DEFB125: variants seen among roughly 807,000 people sequenced by gnomAD.
DEFB125 encodes defensin beta 125.
Under a neutral mutation model 11.8 loss-of-function variants are expected in DEFB125, and 11 were observed. The ratio of observed to expected loss-of-function variants is 0.94; its 90% CI spans 0.59 to 1.55. The LOEUF (loss-of-function observed/expected upper bound fraction) is 1.55, where lower values mean the gene tolerates loss of function less well. DEFB125 is among the 40% of genes most tolerant of loss of function. The pLI is 0.00. For missense variants in DEFB125, 198 were observed against 191.2 expected (o/e 1.04, Z -0.21); for synonymous variants, 79 against 66.7 (o/e 1.18, Z -0.90).
At chr20:94,799 A>C (rs1422417825) in intron 1 of DEFB125, among the ~76,000 whole-genome samples, 2 of 152,158 alleles carry the variant, frequency 1.3e-5, no homozygotes. Context: ...ATTATTCTAC[A>C]GTCTACTTCT....
intron 1 of DEFB125, 130 bp from the exon 2 acceptor site, chr20:95,875 T>C (rs1020410752): frequency 1.2e-6 from 1 of 842,810 alleles, no homozygotes; most frequent in South Asian, 2.1e-5. Context: ...CCTGTTTGTC[T>C]CTTACAATGG....
chr20:93,797 G>C (rs1052927252), intron 1 of DEFB125, among the ~76,000 whole-genome samples: 3 of 152,200 alleles, frequency 2.0e-5, no homozygotes, highest in Non-Finnish European at 4.4e-5. Context: ...AGAAATGCCA[G>C]AAAATTATCA....
chr20:90,657 C>T (rs1355484944), intron 1 of DEFB125, among the ~76,000 whole-genome samples: 1 of 152,202 alleles, frequency 6.6e-6, no homozygotes, highest in African/African-American at 2.4e-5. Context: ...AGAGTCCATA[C>T]AGTGGCTCAC....
intron 1 of DEFB125, 108 bp downstream of exon 1, chr20:87,875 C>A: frequency 8.5e-7 from 1 of 1,170,918 alleles, no homozygotes; most frequent in Non-Finnish European, 1.3e-6. Flanking sequence ...AAATCTGGGC[C>A]AACAAAGAGC....
chr20:91,974 G>GGTA (rs1446409146), intron 1 of DEFB125, among the ~76,000 whole-genome samples: 1 of 152,108 alleles, frequency 6.6e-6, no homozygotes, highest in African/African-American at 2.4e-5. Flanking sequence ...GAGGAGTGAA[G>GGTA]GTAGAATAAA....
intron 1 of DEFB125, among the ~76,000 whole-genome samples, chr20:94,158 T>C (rs1412473752): frequency 6.6e-6 from 1 of 152,170 alleles, no homozygotes; most frequent in East Asian, 1.9e-4. Context: ...ATTGTTCATA[T>C]TTAGAAGATG....
intron 1 of DEFB125, among the ~76,000 whole-genome samples, chr20:92,773 TC>T (rs2054501157): frequency 6.6e-6 from 1 of 152,036 alleles, no homozygotes; most frequent in Admixed American, 6.6e-5. Context: ...TACATGGCTC[TC>T]CCCCTCAGTT....
rs1439213094 is a variant in DEFB125, at chr20:97,047, GCC to G, written c.*631_*632del. On this transcript the variant is annotated 3_prime_UTR_variant, in exon 2 of 2. Coordinates refer to ENST00000382410, the MANE Select transcript of DEFB125 (RefSeq NM_153325.4). ...CTGGATAGAGATAAAAGTGGGACTT[GCC>G]TTGAGAGTACATCATATTAAATTAA... is the stretch of plus-strand genomic sequence containing the variant. The G allele has an allele frequency of 2.0e-5, 3 of 152,216 alleles. No individual in the cohort carries two copies. The highest frequency in any genetic ancestry group is 4.4e-5 in the Non-Finnish European group (3 of 68,052). 9.4% of individuals were successfully genotyped at this position (152,216 alleles called of 1,614,324 possible).
chr20:91,343 T>C (rs1227844261), intron 1 of DEFB125, among the ~76,000 whole-genome samples: 1 of 152,250 alleles, frequency 6.6e-6, no homozygotes, highest in Non-Finnish European at 1.5e-5. Context: ...ATTTTTGCTT[T>C]GGTTGCCCGT....
In DEFB125 at chr20:96,456, G is replaced by T; in HGVS notation, c.*39G>T. The T allele has an allele frequency of 6.4e-7, 1 of 1,561,706 alleles. No homozygotes were observed. The highest frequency in any genetic ancestry group is 8.6e-7 in the Non-Finnish European group (1 of 1,156,938). ...CTGGTATGGAACAACTAGAAATACT[G>T]CTGGAAATAATATCCAAAGAGCTGA... On this transcript the variant is annotated 3_prime_UTR_variant, in exon 2 of 2. Transcript: ENST00000382410.
At chr20:88,398 T>C (rs1600133339) in intron 1 of DEFB125, among the ~76,000 whole-genome samples, 1 of 152,182 alleles carries the variant, frequency 6.6e-6, no homozygotes, top group Non-Finnish European at 1.5e-5. Context: ...TGAAAATTGT[T>C]AACTTTTTAT....
chr20:95,901 A>G (rs2054512833), intron 1 of DEFB125, 104 bp from the exon 2 acceptor site: 2 of 1,073,866 alleles, frequency 1.9e-6, no homozygotes, highest in African/African-American at 1.6e-5. Flanking sequence ...TGTATTTGAC[A>G]TCATATTAGT....
chr20:88,744 G>C (rs2054485568), intron 1 of DEFB125, among the ~76,000 whole-genome samples: 1 of 152,056 alleles, frequency 6.6e-6, no homozygotes. Flanking sequence ...AGGAGCAGAT[G>C]AATTGCCTCA....
chr20:93,028 T>C (rs1600134697), intron 1 of DEFB125, among the ~76,000 whole-genome samples: 1 of 149,324 alleles, frequency 6.7e-6, no homozygotes, highest in Non-Finnish European at 1.5e-5. Context: ...TGGAATGCAG[T>C]GGCACAATCT....
intron 1 of DEFB125, among the ~76,000 whole-genome samples, chr20:91,777 A>T (rs1202105271): frequency 6.6e-6 from 1 of 152,238 alleles, no homozygotes; most frequent in Non-Finnish European, 1.5e-5. Context: ...TATTTCAAGT[A>T]TGGATAATGC....
At chr20:90,625 C>A (rs2054492785) in intron 1 of DEFB125, among the ~76,000 whole-genome samples, 1 of 152,184 alleles carries the variant, frequency 6.6e-6, no homozygotes, top group African/African-American at 2.4e-5. Context: ...CTATGGCCCC[C>A]TCTATACTCA....
intron 1 of DEFB125, among the ~76,000 whole-genome samples, chr20:92,138 T>A (rs1365596825): frequency 6.6e-6 from 1 of 152,178 alleles, no homozygotes; most frequent in African/African-American, 2.4e-5. Flanking sequence ...AGAAAATTAC[T>A]TGCTCTTCTG....
Position 87,785 on chromosome 20 carries a change from A to G in DEFB125, c.58+18A>G, listed in dbSNP as rs1238517507. The G allele has an allele frequency of 1.9e-6, 3 of 1,612,274 alleles. No homozygotes were observed. Among genetic ancestry groups the G allele is most frequent in the Admixed American group, 1.7e-5 (1 of 59,976 alleles). ...GACCAAAGGTAATGGAACCCTATAAAGCAGAGATGATGACTAGGATGAGTT... is the reference window on the plus strand; with the variant it reads ...GACCAAAGGTAATGGAACCCTATAAGGCAGAGATGATGACTAGGATGAGTT... On this transcript the variant is annotated intron_variant, in intron 1 of 1. Coordinates refer to ENST00000382410, the MANE Select transcript of DEFB125 (RefSeq NM_153325.4).
chr20:88,518 C>T (rs542464093), intron 1 of DEFB125, among the ~76,000 whole-genome samples: 1 of 152,238 alleles, frequency 6.6e-6, no homozygotes, highest in African/African-American at 2.4e-5. Context: ...CTTCAGTCTT[C>T]CCCTTCAGAA....
Sources: gnomAD v4.1 joint callset for allele counts (sites outside exome capture counted in the v4.1 genomes callset) on GRCh38, gnomAD v4.1.1 for gene constraint, MANE v1.5 for transcripts, NCBI Gene and HGNC (gene_info 2026-07-23, HGNC 2026-07-21) for gene names.